DDHD1: variants seen among roughly 807,000 people sequenced by gnomAD.
The protein encoded by DDHD1 is DDHD domain containing 1, also known as phospholipase DDHD1.
In DDHD1, 49 loss-of-function variants were observed where a neutral mutation model predicts 96.4. That is an observed-to-expected ratio of 0.51 (90% CI 0.40 to 0.64). DDHD1 has a LOEUF of 0.64. DDHD1 is among the 30% of genes least tolerant of loss of function. The pLI is 0.00. For synonymous variants in DDHD1, 442 were observed against 446.5 expected, an observed-to-expected ratio of 0.99 and a Z score of 0.13; for missense variants, 1,106 against 1,161.2, an observed-to-expected ratio of 0.95 and a Z score of 0.69.
chr14:53,094,958 C>T (rs1224836171), intron 2 of DDHD1, among the ~76,000 whole-genome samples: 2 of 152,074 alleles, frequency 1.3e-5, no homozygotes, highest in Non-Finnish European at 2.9e-5. Context: ...TTCGTAAGCC[C>T]CAGGAGCCAG....
rs765131402 is a variant in DDHD1 at position 53,103,673 on chromosome 14, T to C, written c.1012+10A>G. On this transcript the variant is annotated intron_variant, in intron 2 of 12. Coordinates refer to ENST00000673822, the MANE Select transcript of DDHD1 (RefSeq NM_001160148.2). ...TTGTAGAATATATTAAATGTATCAATTGATCTTACCATCTTTTCCATCTAT... is the reference window on the plus strand; with the variant it reads ...TTGTAGAATATATTAAATGTATCAACTGATCTTACCATCTTTTCCATCTAT... 39 of 1,601,188 alleles carry C rather than the reference T, an allele frequency of 2.4e-5. No individual in the cohort carries two copies. Among genetic ancestry groups the C allele is most frequent in the East Asian group, 9.0e-5 (4 of 44,480 alleles).
chr14:53,069,518 A>G (rs1346313795), intron 6 of DDHD1, among the ~76,000 whole-genome samples: 1 of 152,218 alleles, frequency 6.6e-6, no homozygotes, highest in African/African-American at 2.4e-5. Context: ...TGCACACTTA[A>G]CAGACTATAG....
At chr14:53,112,986 G>A (rs1363889710) in intron 1 of DDHD1, among the ~76,000 whole-genome samples, 3 of 151,972 alleles carry the variant, frequency 2.0e-5, no homozygotes, top group African/African-American at 7.3e-5. Flanking sequence ...TTGAGACACA[G>A]TCTCACTCTG....
At chr14:53,131,835 A>T (rs1174826328) in intron 1 of DDHD1, among the ~76,000 whole-genome samples, 1 of 152,134 alleles carries the variant, frequency 6.6e-6, no homozygotes, top group Non-Finnish European at 1.5e-5. Flanking sequence ...TCAAAAGGAC[A>T]TCGCACATCC....
At chr14:53,116,574 C>T (rs1297315148) in intron 1 of DDHD1, among the ~76,000 whole-genome samples, 2 of 152,202 alleles carry the variant, frequency 1.3e-5, no homozygotes, top group African/African-American at 4.8e-5. Context: ...GAATCTCACT[C>T]AAAACCACAC....
chr14:53,098,907 T>G (rs1461389212), intron 2 of DDHD1, among the ~76,000 whole-genome samples: 1 of 152,078 alleles, frequency 6.6e-6, no homozygotes, highest in Non-Finnish European at 1.5e-5. Context: ...TAGTCAGGTC[T>G]TGCGTTCTTA....
intron 1 of DDHD1, among the ~76,000 whole-genome samples, chr14:53,133,025 T>C (rs1209270121): frequency 6.6e-6 from 1 of 152,200 alleles, no homozygotes; most frequent in African/African-American, 2.4e-5. Context: ...CCCATTCTAT[T>C]CTGTCATCAT....
chr14:53,076,807 C>T (rs988483438), intron 4 of DDHD1, among the ~76,000 whole-genome samples: 32 of 152,148 alleles, frequency 2.1e-4, no homozygotes, highest in Admixed American at 1.9e-3. Flanking sequence ...ATGCTGTGAA[C>T]TCACAGAAGC....
At chr14:53,152,118 C>CAA in intron 1 of DDHD1, 143 bp downstream of exon 1, 10 of 827,370 alleles carry the variant, frequency 1.2e-5, no homozygotes, top group South Asian at 6.9e-5. Context: ...CCGACGCTCC[C>CAA]TGCTCAATCT....
chr14:53,118,267 T>C (rs1888701901), intron 1 of DDHD1, among the ~76,000 whole-genome samples: 1 of 152,124 alleles, frequency 6.6e-6, no homozygotes, highest in Admixed American at 6.5e-5. Flanking sequence ...CTCCAAAGGA[T>C]TGCAGCTCCT....
chr14:53,137,215 A>G lies in DDHD1; in HGVS notation c.838+15046T>C, dbSNP rs538618269. 5.9e-5 allele frequency among the ~76,000 whole-genome samples: 9 copies of G among 152,360 alleles called. No homozygotes were observed. The South Asian group carries it at 1.7e-3, about 28-fold the overall frequency. On this transcript the variant is annotated intron_variant, in intron 1 of 12. Coordinates refer to ENST00000673822, the MANE Select transcript of DDHD1 (RefSeq NM_001160148.2). Reference sequence around the variant, plus strand: ...ATCAGTGAAATTCTTCAAAGTCATAATATAGCAACAGGACATATTCATTCA... The same window carrying G: ...ATCAGTGAAATTCTTCAAAGTCATAGTATAGCAACAGGACATATTCATTCA...
chr14:53,074,099 ATATG>A (rs1884754041), intron 4 of DDHD1, among the ~76,000 whole-genome samples: 1 of 152,044 alleles, frequency 6.6e-6, no homozygotes, highest in South Asian at 2.1e-4. Context: ...CTAAATAATT[ATATG>A]TAAGAATTTT....
At chr14:53,096,321 A>G (rs1886880184) in intron 2 of DDHD1, 2 of 276,228 alleles carry the variant, frequency 7.2e-6, no homozygotes, top group East Asian at 3.5e-4. Context: ...TTGTATTTGA[A>G]AAACATTATT....
At chr14:53,081,627 T>C (rs1357710852) in intron 4 of DDHD1, among the ~76,000 whole-genome samples, 2 of 152,232 alleles carry the variant, frequency 1.3e-5, no homozygotes, top group Non-Finnish European at 2.9e-5. Context: ...CCAGCCATCA[T>C]AACAAAAAAT....
intron 4 of DDHD1, among the ~76,000 whole-genome samples, chr14:53,085,439 CA>C (rs1219036865): frequency 6.6e-6 from 1 of 152,192 alleles, no homozygotes; most frequent in Admixed American, 6.5e-5. Context: ...AATGATCAGA[CA>C]GCAATAATTG....
intron 1 of DDHD1, among the ~76,000 whole-genome samples, chr14:53,109,657 G>C (rs1464079279): frequency 6.6e-6 from 1 of 152,146 alleles, no homozygotes; most frequent in African/African-American, 2.4e-5. Context: ...GAGAGATTTA[G>C]ATTTGGACAG....
chr14:53,067,156 CTT>C (rs749028980), intron 6 of DDHD1, among the ~76,000 whole-genome samples: 38 of 137,684 alleles, frequency 2.8e-4, no homozygotes, highest in Admixed American at 3.7e-4. Context: ...TATTCCTTTT[CTT>C]TTTTTTTTTT....
chr14:53,053,611 G>A (rs976207507), intron 11 of DDHD1: 1 of 152,070 alleles, frequency 6.6e-6, no homozygotes, highest in African/African-American at 2.4e-5. Flanking sequence ...AATACTCTAA[G>A]TAACAAATAA....
At chr14:53,065,112 A>G (rs766753461) in intron 6 of DDHD1, among the ~76,000 whole-genome samples, 16 of 152,174 alleles carry the variant, frequency 1.1e-4, no homozygotes, top group Non-Finnish European at 1.9e-4. Context: ...CACAGTAAGC[A>G]CTGGATAGCT....
Sources: gnomAD v4.1 joint callset for allele counts (sites outside exome capture counted in the v4.1 genomes callset) on GRCh38, gnomAD v4.1.1 for gene constraint, MANE v1.5 for transcripts, NCBI Gene and HGNC (gene_info 2026-07-23, HGNC 2026-07-21) for gene names.